The following VRK3 variants were observed in gnomAD, a reference collection of about 807,000 sequenced individuals.
The protein encoded by VRK3 is VRK serine/threonine kinase 3.
In VRK3, 50 loss-of-function variants were observed where a neutral mutation model predicts 60.4. The observed-to-expected ratio is 0.83, with a 90% CI of 0.66 to 1.05. The LOEUF is 1.05. VRK3 is among the 50% of genes least tolerant of loss of function. VRK3 has a pLI of 0.00. For missense variants in VRK3, 549 were observed against 585.3 expected, an observed-to-expected ratio of 0.94 and a Z score of 0.64; for synonymous variants, 246 against 227.8, an observed-to-expected ratio of 1.08 and a Z score of -0.72.
chr19:50,019,715 C>CTTTTTTTTTTTTTTTTTTTTTTT (rs1225686835), intron 2 of VRK3, among the ~76,000 whole-genome samples: 9 of 50,362 alleles, frequency 1.8e-4, no homozygotes, highest in Non-Finnish European at 2.0e-4. Context: ...TTTTTTTTTA[C>CTTTTTTTTTTTTTTTTTTTTTTT]TTTTTGTAGA....
chr19:50,015,996 GA>G (rs746484146), intron 3 of VRK3, 27 bp downstream of exon 3: 1 of 1,613,924 alleles, frequency 6.2e-7, no homozygotes, highest in African/African-American at 1.3e-5. Flanking sequence ...TCCCACCGCA[GA>G]AACAGGCTCA....
intron 12 of VRK3, chr19:49,988,135 G>C (rs939532389): frequency 7.2e-6 from 3 of 413,840 alleles, no homozygotes; most frequent in Non-Finnish European, 1.3e-5. Context: ...GAGGCTCGCA[G>C]ACGTTAACAC....
At chr19:50,010,477 G>C (rs2076976237) in intron 3 of VRK3, among the ~76,000 whole-genome samples, 1 of 152,228 alleles carries the variant, frequency 6.6e-6, no homozygotes, top group South Asian at 2.1e-4. Flanking sequence ...TTTTCCAAGA[G>C]AAGATTTGTT....
At position 50,004,814 on chromosome 19, in the gene VRK3, G is replaced by T. The variant is rs185274963; in HGVS notation, c.547+2755C>A. Among the ~76,000 whole-genome samples the T allele has an allele frequency of 9.2e-5, 14 of 152,118 alleles. No individual in the cohort carries two copies. The East Asian group carries it at 1.9e-3, about 21-fold the overall frequency. ...AGTCCAAGCTACTCGGGAGGCTGAG[G>T]GGGGAGAATCACTTGAGCCTGGGAG... On this transcript the variant is annotated intron_variant, in intron 5 of 14. Transcript: ENST00000316763.
intron 12 of VRK3, among the ~76,000 whole-genome samples, chr19:49,983,751 C>A (rs1263716518): frequency 6.6e-6 from 1 of 152,216 alleles, no homozygotes; most frequent in Non-Finnish European, 1.5e-5. Flanking sequence ...GCCATGTATA[C>A]CAGTAAACCG....
At chr19:50,019,715 C>CTTTTTTTTTTTTTTTTTTT (rs1225686835) in intron 2 of VRK3, among the ~76,000 whole-genome samples, 27 of 50,358 alleles carry the variant, frequency 5.4e-4, no homozygotes, top group African/African-American at 6.5e-4. Flanking sequence ...TTTTTTTTTA[C>CTTTTTTTTTTTTTTTTTTT]TTTTTGTAGA....
intron 9 of VRK3, 38 bp downstream of exon 9, chr19:49,994,772 GCCCT>G (rs1291792263): frequency 6.4e-7 from 1 of 1,562,246 alleles, no homozygotes; most frequent in Non-Finnish European, 8.8e-7. Context: ...GATGTGATGT[GCCCT>G]CCCTGACGCG....
At chr19:49,979,290 C>T in intron 13 of VRK3, 48 bp from the exon 14 acceptor site, 4 of 1,613,044 alleles carry the variant, frequency 2.5e-6, no homozygotes, top group Non-Finnish European at 3.4e-6. Flanking sequence ...GAGGCATCCC[C>T]CAACCCCGAT....
rs188964021 is a variant in VRK3 at position 50,007,400 on chromosome 19, C to T, written c.547+169G>A. Among the ~76,000 whole-genome samples, 8 of 152,266 alleles carry T rather than the reference C, an allele frequency of 5.3e-5. No individual in the cohort carries two copies. In the East Asian group the frequency reaches 1.4e-3, roughly 26 times the overall value. ...TGCTGCACTCATTCCCACTATTGCC[C>T]GGCCCTGCAGGTGGGTAGGTATAGA... On this transcript the variant is annotated intron_variant, in intron 5 of 14. Transcript: ENST00000316763.
intron 12 of VRK3, among the ~76,000 whole-genome samples, chr19:49,983,673 T>C (rs2076462374): frequency 6.6e-6 from 1 of 152,264 alleles, no homozygotes; most frequent in African/African-American, 2.4e-5. Context: ...CCTCCTTCTT[T>C]TACTCATTTT....
At chr19:50,016,197 C>T (rs747460429) in intron 2 of VRK3, 34 bp from the exon 3 acceptor site, 19 of 1,611,216 alleles carry the variant, frequency 1.2e-5, no homozygotes, top group South Asian at 4.4e-5. Flanking sequence ...CAAAGTGAAA[C>T]GGGCCAGCTG....
intron 5 of VRK3, among the ~76,000 whole-genome samples, 199 bp downstream of exon 5, chr19:50,007,370 C>T (rs901436916): frequency 2.0e-5 from 3 of 152,188 alleles, no homozygotes; most frequent in Admixed American, 1.3e-4. Context: ...TGCCTTACTC[C>T]AGCCTGCTGC....
intron 5 of VRK3, among the ~76,000 whole-genome samples, chr19:50,001,876 T>G (rs1237987053): frequency 6.6e-6 from 1 of 151,778 alleles, no homozygotes; most frequent in Non-Finnish European, 1.5e-5. Flanking sequence ...CTGCAAGGAC[T>G]CAACAGGCTG....
At position 49,994,808 on chromosome 19, in the gene VRK3, A is replaced by G; in HGVS notation, c.870+6T>C. On this transcript the variant is annotated splice_donor_region_variant and intron_variant, in intron 9 of 14. Transcript: ENST00000316763. ...CGCGGCAGCTGAGCAACTTCTGGGT[A>G]CGCACCAGCCGGCAGGCCACCTGCA... is the stretch of plus-strand genomic sequence containing the variant. 1 of 1,612,392 alleles carries G rather than the reference A, an allele frequency of 6.2e-7. No individual in the cohort carries two copies. Among genetic ancestry groups the G allele is most frequent in the Non-Finnish European group, 8.5e-7 (1 of 1,179,044 alleles).
chr19:50,016,342 C>T (rs2077078460), intron 2 of VRK3, among the ~76,000 whole-genome samples, 179 bp from the exon 3 acceptor site: 1 of 152,168 alleles, frequency 6.6e-6, no homozygotes, highest in Non-Finnish European at 1.5e-5. Context: ...GTCAATGTTC[C>T]CCAAATATCA....
chr19:49,994,619 C>T (rs933762350), intron 9 of VRK3, among the ~76,000 whole-genome samples, 195 bp downstream of exon 9: 12 of 152,228 alleles, frequency 7.9e-5, no homozygotes, highest in Non-Finnish European at 1.3e-4. Flanking sequence ...TGCTCATGGC[C>T]CCCCAAGGGC....
chr19:49,979,370 C>G, intron 13 of VRK3, 128 bp from the exon 14 acceptor site: 1 of 1,326,832 alleles, frequency 7.5e-7, no homozygotes, highest in Non-Finnish European at 1.0e-6. Flanking sequence ...CAAAAGTGCC[C>G]ATTTTCTTGT....
chr19:50,021,856 G>A (rs2077175874), intron 1 of VRK3, among the ~76,000 whole-genome samples: 1 of 152,236 alleles, frequency 6.6e-6, no homozygotes, highest in Non-Finnish European at 1.5e-5. Flanking sequence ...GTTCTCGGCA[G>A]GTATTATCTA....
intron 1 of VRK3, among the ~76,000 whole-genome samples, chr19:50,021,967 A>G (rs1340800390): frequency 6.6e-6 from 1 of 152,200 alleles, no homozygotes; most frequent in Non-Finnish European, 1.5e-5. Context: ...CAGGGCCACA[A>G]ACCTCTTAAG....
Sources: gnomAD v4.1 joint callset for allele counts (sites outside exome capture counted in the v4.1 genomes callset) on GRCh38, gnomAD v4.1.1 for gene constraint, MANE v1.5 for transcripts, NCBI Gene and HGNC (gene_info 2026-07-23, HGNC 2026-07-21) for gene names.